Variants in UMOD observed in about 807,000 individuals in gnomAD.
UMOD encodes the protein uromodulin.
Under a neutral mutation model 66.0 loss-of-function variants are expected in UMOD, and 64 were observed. The observed-to-expected ratio is 0.97, with a 90% CI of 0.79 to 1.19. UMOD has a LOEUF of 1.19. Among genes scored for constraint, UMOD ranks in the 50% most tolerant of loss-of-function variants. The pLI is 0.00. For synonymous variants in UMOD, 398 were observed against 352.7 expected (o/e 1.13, Z -1.44); for missense variants, 764 against 850.9 (o/e 0.90, Z 1.27).
At chr16:20,340,472 G>GTGTATATATATA (rs1182201532) in intron 7 of UMOD, among the ~76,000 whole-genome samples, 1 of 112,526 alleles carries the variant, frequency 8.9e-6, no homozygotes, top group South Asian at 2.5e-4. Flanking sequence ...GTGTGTGTGT[G>GTGTATATATATA]TATATATATA....
At chr16:20,351,159 A>G in intron 1 of UMOD, 1 of 256,670 alleles carries the variant, frequency 3.9e-6, no homozygotes, top group East Asian at 9.0e-5. Context: ...TTGGATTTTA[A>G]CTGATCCTCT....
intron 5 of UMOD, among the ~76,000 whole-genome samples, chr16:20,345,498 CCCTCCCTTCCTT>C (rs1362413133): frequency 1.6e-4 from 8 of 51,544 alleles, no homozygotes; most frequent in African/African-American, 5.0e-4. Flanking sequence ...CTCCCTCCCT[CCCTCCCTTCCTT>C]CCTTCCTTCC....
chr16:20,348,439 TGCA>T lies in UMOD; in HGVS notation c.859_861del (p.Cys287del). ...CTGTGGGGAGACTCCGGCTGACCTGTGCAGTACGCCAGGTGACACTCGGGGGGC... is the reference window on the plus strand; with the variant it reads ...CTGTGGGGAGACTCCGGCTGACCTGTGTACGCCAGGTGACACTCGGGGGGC... On this transcript the variant is annotated inframe_deletion, in exon 3 of 11. Transcript: ENST00000396138. 1 of 1,613,936 alleles carries T rather than the reference TGCA, an allele frequency of 6.2e-7. No homozygotes were observed. The highest frequency in any genetic ancestry group is 8.5e-7 in the Non-Finnish European group (1 of 1,179,992).
At chr16:20,337,897 T>A (rs761312926) in intron 7 of UMOD, among the ~76,000 whole-genome samples, 3 of 152,028 alleles carry the variant, frequency 2.0e-5, no homozygotes, top group Non-Finnish European at 2.9e-5. Flanking sequence ...TTGGAGTGTG[T>A]GCACCCATCT....
At position 20,348,862 on chromosome 16, in the gene UMOD, G is replaced by A. The variant is rs747681746; in HGVS notation, c.439C>T (p.His147Tyr). The change falls in exon 3 of 11, where the codon CAC becomes TAC. Residue 147 changes from histidine (H) to tyrosine (Y), a missense_variant. Physicochemically the swap from His to Tyr is moderately conservative, Grantham distance 83. Transcript: ENST00000396138. ...CAGGAGCCCGGGGAGCACTCACAGT[G>A]CCATCCATCCCCCCGGTAGCCCGCG... ...CPAGYRGDGW[H>Y]CECSPGSCGP... 4 of 1,549,014 alleles carry A rather than the reference G, an allele frequency of 2.6e-6. No homozygotes were observed. Among genetic ancestry groups the A allele is most frequent in the South Asian group, 1.2e-5 (1 of 84,144 alleles).
At chr16:20,346,658 C>T (rs1249696458) in intron 4 of UMOD, among the ~76,000 whole-genome samples, 3 of 152,102 alleles carry the variant, frequency 2.0e-5, no homozygotes, top group Non-Finnish European at 4.4e-5. Context: ...AGGCTAGATG[C>T]GGTGGCTCAT....
chr16:20,351,001 T>C, intron 1 of UMOD, 162 bp from the exon 2 acceptor site: 1 of 586,132 alleles, frequency 1.7e-6, no homozygotes. Context: ...ACTTTACCCC[T>C]TGTACTCCCC....
In UMOD at chr16:20,348,698, G is replaced by A. The variant is rs1358599297; in HGVS notation, c.603C>T (p.Gly201=). Residue 201 remains glycine (G), a synonymous_variant, in exon 3 of 11, where the codon GGC becomes GGT. Coordinates refer to ENST00000396138, the MANE Select transcript of UMOD (RefSeq NM_003361.4). ...CGCCCTGGCCCACGAAGCGGTACCA[G>A]CCGCGCAGGTCCGTGTCGCAGGCGT... ...EGYACDTDLR[G]WYRFVGQGGA... is the part of the protein sequence containing the mutation. 3 of 1,553,200 alleles carry A rather than the reference G, an allele frequency of 1.9e-6. No homozygotes were observed. The highest frequency in any genetic ancestry group is 2.6e-6 in the Non-Finnish European group (3 of 1,150,666).
chr16:20,334,133 G>A (rs187087030), intron 10 of UMOD, among the ~76,000 whole-genome samples: 23 of 149,656 alleles, frequency 1.5e-4, no homozygotes, highest in Admixed American at 2.0e-4. Context: ...TAGATTTTTA[G>A]ACAATTCAGT....
chr16:20,355,615 G>C (rs995364834), upstream of UMOD, among the ~76,000 whole-genome samples: 1 of 151,804 alleles, frequency 6.6e-6, no homozygotes, highest in Non-Finnish European at 1.5e-5. Context: ...GGCCAGGCTG[G>C]TCTCGAACTC....
chr16:20,354,025 C>T (rs143411795), upstream of UMOD, among the ~76,000 whole-genome samples: 1,290 of 152,184 alleles, frequency 8.5e-3, 15 homozygotes, highest in African/African-American at 0.03. Context: ...TTTGTCCTTG[C>T]GATAGTTTGC....
intron 2 of UMOD, chr16:20,349,909 GTTGT>G (rs1965808628): frequency 1.3e-6 from 2 of 1,508,342 alleles, no homozygotes; most frequent in Non-Finnish European, 1.8e-6. Flanking sequence ...AAAAGAAGCT[GTTGT>G]TTATTAAGCA....
In UMOD at chr16:20,348,308, C is replaced by G. The variant is rs773693463; in HGVS notation, c.888G>C (p.Thr296=). 1 of 1,614,122 alleles carries G rather than the reference C, an allele frequency of 6.2e-7. No individual in the cohort carries two copies. Among genetic ancestry groups the G allele is most frequent in the Admixed American group, 1.7e-5 (1 of 60,018 alleles). ...YCTDPSSVEG[T]CEECSIDEDC... is the part of the protein sequence containing the mutation. ...CCTCGTCTATACTGCACTCCTCACA[C>G]GTCCCCTCCACGGAGCTGGGGTCTG... is the stretch of plus-strand genomic sequence containing the variant. Residue 296 remains threonine (T), a synonymous_variant, in exon 4 of 11, where the codon ACG becomes ACC. Coordinates refer to ENST00000396138, the MANE Select transcript of UMOD (RefSeq NM_003361.4).
chr16:20,352,645 G>A, intron 1 of UMOD, 44 bp downstream of exon 1: 2 of 1,222,810 alleles, frequency 1.6e-6, no homozygotes, highest in Non-Finnish European at 2.0e-6. Flanking sequence ...CAAATAGGAT[G>A]GGGAGAAGCT....
chr16:20,347,391 C>A (rs1020264620), intron 4 of UMOD, among the ~76,000 whole-genome samples: 4 of 152,080 alleles, frequency 2.6e-5, no homozygotes, highest in African/African-American at 9.7e-5. Context: ...CAACATCCAG[C>A]CAGAATTCTT....
In UMOD at chr16:20,337,283, C is replaced by T. The variant is rs768909078; in HGVS notation, c.1740+8G>A. The T allele has an allele frequency of 2.5e-6, 4 of 1,614,022 alleles. No individual in the cohort carries two copies. In the African/African-American group the frequency reaches 5.3e-5, roughly 22 times the overall value. On this transcript the variant is annotated splice_region_variant and intron_variant, in intron 8 of 10. Coordinates refer to ENST00000396138, the MANE Select transcript of UMOD (RefSeq NM_003361.4). ...AAGAGATGGGCTGGGGGAGGGGAGT[C>T]AACTCACAGGCTTGCACTTTTCATT... is the stretch of plus-strand genomic sequence containing the variant.
upstream of UMOD, among the ~76,000 whole-genome samples, chr16:20,355,397 CTTTT>C (rs1966013815): frequency 6.7e-6 from 1 of 149,652 alleles, no homozygotes; most frequent in African/African-American, 2.5e-5. Context: ...TTCTTTCTTT[CTTTT>C]TCTTCTTCTT....
intron 5 of UMOD, among the ~76,000 whole-genome samples, chr16:20,345,502 C>CCCTTCCTTCCTTCCTTCCTTCCTT (rs1228147595): frequency 3.8e-5 from 2 of 53,048 alleles, no homozygotes; most frequent in African/African-American, 1.6e-4. Flanking sequence ...CTCCCTCCCT[C>CCCTTCCTTCCTTCCTTCCTTCCTT]CCTTCCTTCC....
Position 20,346,258 on chromosome 16 carries a change from C to A in UMOD, c.1050G>T (p.Lys350Asn), listed in dbSNP as rs756499139. The A allele has an allele frequency of 1.9e-6, 3 of 1,614,158 alleles. No individual in the cohort carries two copies. In the East Asian group the frequency reaches 6.7e-5, roughly 36 times the overall value. Residue 350 changes from lysine (K) to asparagine (N), a missense_variant, in exon 5 of 11, where the codon AAG (lysine) becomes AAT (asparagine). By Grantham distance (94) the Lys-to-Asn change is moderately conservative. Coordinates refer to ENST00000396138, the MANE Select transcript of UMOD (RefSeq NM_003361.4). ...MKVSLGKCQL[K>N]SLGFDKVFMY... is the part of the protein sequence containing the mutation. ...TGAAGACCTTGTCGAAGCCCAGACT[C>A]TTCAGCTGGCACTTGCCCAGCGACA... is the stretch of plus-strand genomic sequence containing the variant.
Sources: gnomAD v4.1 joint callset for allele counts (sites outside exome capture counted in the v4.1 genomes callset) on GRCh38, gnomAD v4.1.1 for gene constraint, MANE v1.5 for transcripts, NCBI Gene and HGNC (gene_info 2026-07-23, HGNC 2026-07-21) for gene names.